Variants in ZBED1 observed in about 807,000 individuals in gnomAD.
The protein encoded by ZBED1 is zinc finger BED-type containing 1, also known as E3 SUMO-protein ligase ZBED1.
In ZBED1, 19 loss-of-function variants were observed where a neutral mutation model predicts 49.7. The ratio of observed to expected loss-of-function variants is 0.38; its 90% CI spans 0.27 to 0.56. The LOEUF (loss-of-function observed/expected upper bound fraction) is 0.56, where lower values mean the gene tolerates loss of function less well. Among genes scored for constraint, ZBED1 ranks in the 20% least tolerant of loss-of-function variants. The pLI, the probability that ZBED1 is intolerant of heterozygous loss-of-function variation, is 0.70. For synonymous variants in ZBED1, 439 were observed against 440.3 expected, an observed-to-expected ratio of 1.00 and a Z score of 0.04; for missense variants, 806 against 972.6, an observed-to-expected ratio of 0.83 and a Z score of 2.28.
chrX:2,493,895 C>G (rs2045220021), intron 1 of ZBED1, among the ~76,000 whole-genome samples: 1 of 152,108 alleles, frequency 6.6e-6, no homozygotes. Context: ...TCGTTTGAAC[C>G]CGGGAAGCAG....
rs2044957658 is a variant in ZBED1 at position 2,487,049 on chromosome X, T to C, written c.*1586A>G. On this transcript the variant is annotated 3_prime_UTR_variant, in exon 2 of 2. Coordinates refer to ENST00000652001, the MANE Select transcript of ZBED1 (RefSeq NM_001171136.2). ...ACGGAGGCAGAGAACCCGCTGCACG[T>C]AGAATCCAAGCAATATGCTAAGCCT... is the stretch of plus-strand genomic sequence containing the variant. The C allele has an allele frequency of 6.6e-6, 1 of 152,232 alleles. No homozygotes were observed. Among genetic ancestry groups the C allele is most frequent in the Non-Finnish European group, 1.5e-5 (1 of 68,046 alleles). 9.4% of individuals were successfully genotyped at this position (152,232 alleles called of 1,614,324 possible).
intron 1 of ZBED1, 23 bp from the exon 2 acceptor site, chrX:2,490,795 C>T: frequency 6.5e-7 from 1 of 1,550,094 alleles, no homozygotes; most frequent in Non-Finnish European, 8.7e-7. Flanking sequence ...AAGACAAACA[C>T]AGCATGAGAA....
chrX:2,500,071 A>G (rs2045377882), intron 1 of ZBED1, among the ~76,000 whole-genome samples: 1 of 152,250 alleles, frequency 6.6e-6, no homozygotes, highest in Non-Finnish European at 1.5e-5. Flanking sequence ...ATCTAGGAAC[A>G]GAAGTTATCT....
Position 2,488,847 on chromosome X carries a change from C to T in ZBED1, c.1873G>A (p.Ala625Thr), listed in dbSNP as rs147060861. 143 of 1,613,546 alleles carry T rather than the reference C, an allele frequency of 8.9e-5. No homozygotes were observed. Among genetic ancestry groups the T allele is most frequent in the East Asian group, 2.5e-4 (11 of 44,886 alleles). Residue 625 changes from alanine to threonine, a missense_variant, in exon 2 of 2, where the codon GCC (alanine) becomes ACC (threonine). Around this residue, in one of 2 missense-constraint regions of ZBED1, gnomAD observed 749 missense variants for 861.3 expected, o/e 0.87. Coordinates refer to ENST00000652001, the MANE Select transcript of ZBED1 (RefSeq NM_001171136.2). The stretch of plus-strand genomic sequence containing the variant: ...CTCTTGGCGCTGACCACGTTGGCGG[C>T]GGATCCGAAGAGACGCTCAGGGGCG... ...RVAPERLFGS[A>T]ANVVSAKRNR...
In ZBED1 at chrX:2,488,749, C is replaced by T. The variant is rs771454151; in HGVS notation, c.1971G>A (p.Ala657=). 72 of 1,613,834 alleles carry T rather than the reference C, an allele frequency of 4.5e-5. 1 individual carries two copies. In the South Asian group the frequency reaches 5.7e-4, roughly 13 times the overall value. ...LYENARSGAE[A]EPEDQDEGEW... ...CCCCCTCGTCCTGGTCCTCGGGTTC[C>T]GCCTCTGCCCCACTCCGGGCGTTCT... The change falls in exon 2 of 2, where the codon GCG becomes GCA. Residue 657 remains alanine, a synonymous_variant. Transcript: ENST00000652001.
intron 1 of ZBED1, among the ~76,000 whole-genome samples, chrX:2,492,713 C>T (rs2045184810): frequency 6.6e-6 from 1 of 151,940 alleles, no homozygotes; most frequent in Non-Finnish European, 1.5e-5. Context: ...GCCTGAAGCC[C>T]AGGGACGCCA....
Position 2,488,561 on chromosome X carries a change from A to C in ZBED1, c.*74T>G. On this transcript the variant is annotated 3_prime_UTR_variant, in exon 2 of 2. Transcript: ENST00000652001. ...GTCTCTGAGGTTCAAAACCAAGCTG[A>C]CCGGGTAAGTATTTACAGCAAAGCA... 1 of 1,500,114 alleles carries C rather than the reference A, an allele frequency of 6.7e-7. No individual in the cohort carries two copies. The highest frequency in any genetic ancestry group is 1.4e-5 in the South Asian group (1 of 73,868). 92.9% of individuals were successfully genotyped at this position (1,500,114 alleles called of 1,614,324 possible).
chrX:2,498,640 A>AAG (rs1350988711), intron 1 of ZBED1, among the ~76,000 whole-genome samples: 6 of 151,798 alleles, frequency 4.0e-5, no homozygotes, highest in Non-Finnish European at 8.8e-5. Flanking sequence ...AAAAAAAAAA[A>AAG]AAAGATTCCA....
rs1358739495 is a variant in ZBED1, at chrX:2,490,276, G to A, written c.444C>T (p.Thr148=). 2 of 1,613,810 alleles carry A rather than the reference G, an allele frequency of 1.2e-6. No individual in the cohort carries two copies. Among genetic ancestry groups the A allele is most frequent in the Non-Finnish European group, 1.7e-6 (2 of 1,179,874 alleles). Residue 148 remains threonine (T), a synonymous_variant, in exon 2 of 2, where the codon ACC becomes ACT. Coordinates refer to ENST00000652001, the MANE Select transcript of ZBED1 (RefSeq NM_001171136.2). ...CGGCCGTCTTCAGCAGCACCTTGAAGGTGGGCTCGTCCACGATGGAGGCTG... is the reference window on the plus strand; with the variant it reads ...CGGCCGTCTTCAGCAGCACCTTGAAAGTGGGCTCGTCCACGATGGAGGCTG... ...LYPASIVDEP[T]FKVLLKTADP... is the part of the protein sequence containing the mutation.
chrX:2,490,857 G>A lies in ZBED1; in HGVS notation c.-53-85C>T, dbSNP rs2045118747. 4 of 1,269,846 alleles carry A rather than the reference G, an allele frequency of 3.1e-6. No homozygotes were observed. The East Asian group carries it at 9.3e-5, about 30-fold the overall frequency. The allele number at this position is 1,269,846 out of a possible 1,614,324, so 78.7% of individuals were successfully genotyped here. A position where few individuals can be genotyped will look rare whatever the true frequency, so the allele number is the denominator to read the frequency against. ...GCCGGGGAGACAGACAGGGTGCCGGGGCAGCTCCGCTTTCAACCAAAGGGC... is the reference window on the plus strand; with the variant it reads ...GCCGGGGAGACAGACAGGGTGCCGGAGCAGCTCCGCTTTCAACCAAAGGGC... On this transcript the variant is annotated intron_variant, in intron 1 of 1. Transcript: ENST00000652001.
At chrX:2,496,538 C>G (rs1049446608) in intron 1 of ZBED1, among the ~76,000 whole-genome samples, 1 of 152,120 alleles carries the variant, frequency 6.6e-6, no homozygotes, top group Non-Finnish European at 1.5e-5. Flanking sequence ...GCAGTGTATA[C>G]TGCTTGGGTG....
rs2045036310 is a variant in ZBED1, at chrX:2,488,915, G to A, written c.1805C>T (p.Pro602Leu). The A allele has an allele frequency of 6.2e-7, 1 of 1,603,860 alleles. No homozygotes were observed. The highest frequency in any genetic ancestry group is 8.5e-7 in the Non-Finnish European group (1 of 1,173,890). ...GCACCAGTACTTCTGCAGCACCTTGGGCAGCAGGGGGAAGAGGGCCAGGCG... is the reference window on the plus strand; with the variant it reads ...GCACCAGTACTTCTGCAGCACCTTGAGCAGCAGGGGGAAGAGGGCCAGGCG... Reference protein sequence around the residue: ...SDRLALFPLLPKVLQKYWCVT... With the variant: ...SDRLALFPLLLKVLQKYWCVT... The change falls in exon 2 of 2, where the codon CCC (proline) becomes CTC (leucine). Residue 602 changes from proline to leucine, a missense_variant. Pro to Leu is a moderately conservative substitution (Grantham distance 98). This residue lies in a region of ZBED1 where 749 missense variants were observed against 861.3 expected (regional missense o/e 0.87). Coordinates refer to ENST00000652001, the MANE Select transcript of ZBED1 (RefSeq NM_001171136.2).
intron 1 of ZBED1, among the ~76,000 whole-genome samples, chrX:2,499,397 GTATCAT>G (rs2045357473): frequency 6.7e-6 from 1 of 149,864 alleles, no homozygotes; most frequent in South Asian, 2.1e-4. Flanking sequence ...TTGAAACAAA[GTATCAT>G]TTAACCTAAC....
intron 1 of ZBED1, among the ~76,000 whole-genome samples, chrX:2,493,252 A>G (rs1420060889): frequency 6.6e-6 from 1 of 152,200 alleles, no homozygotes; most frequent in African/African-American, 2.4e-5. Context: ...CGGAGGGGGA[A>G]AAGAATCTCA....
chrX:2,490,604 A>G lies in ZBED1; in HGVS notation c.116T>C (p.Ile39Thr). The change falls in exon 2 of 2, where the codon ATC (isoleucine) becomes ACC (threonine). Residue 39 changes from isoleucine to threonine, a missense_variant. Physicochemically the swap from Ile to Thr is moderately conservative, Grantham distance 89 (BLOSUM62 -1). This residue lies in a region of ZBED1 where 57 missense variants were observed against 111.3 expected (regional missense o/e 0.51). Transcript: ENST00000652001. ...GCAGTAGATTTTCTTCCACTGCAGG[A>G]TGCATCCCTCGGCGTTGGTGTCGAA... Reference protein sequence around the residue: ...FGFDTNAEGCILQWKKIYCRI... With the variant: ...FGFDTNAEGCTLQWKKIYCRI... 1 of 1,613,918 alleles carries G rather than the reference A, an allele frequency of 6.2e-7. No homozygotes were observed. The highest frequency in any genetic ancestry group is 8.5e-7 in the Non-Finnish European group (1 of 1,179,862).
At chrX:2,491,320 T>G (rs1302210145) in intron 1 of ZBED1, among the ~76,000 whole-genome samples, 1 of 152,218 alleles carries the variant, frequency 6.6e-6, no homozygotes, top group Non-Finnish European at 1.5e-5. Context: ...TCCACCCGCC[T>G]TGGCCTCCCA....
chrX:2,496,304 T>C (rs1031543739), intron 1 of ZBED1, among the ~76,000 whole-genome samples: 7 of 152,236 alleles, frequency 4.6e-5, no homozygotes, highest in African/African-American at 1.4e-4. Flanking sequence ...GTTCACACCA[T>C]TCTCCTGCCT....
In ZBED1 at chrX:2,487,014, G is replaced by C. The variant is rs1328591134; in HGVS notation, c.*1621C>G. On this transcript the variant is annotated 3_prime_UTR_variant, in exon 2 of 2. Transcript: ENST00000652001. ...CCTAGACACCGTTCTCCCCAGCCCA[G>C]CTTGTCTTCACGGAGGCAGAGAACC... The C allele has an allele frequency of 6.6e-6, 1 of 152,196 alleles. No individual in the cohort carries two copies. Among genetic ancestry groups the C allele is most frequent in the African/African-American group, 2.4e-5 (1 of 41,424 alleles). 9.4% of individuals were successfully genotyped at this position (152,196 alleles called of 1,614,324 possible).
intron 1 of ZBED1, among the ~76,000 whole-genome samples, chrX:2,492,453 G>T (rs1036602410): frequency 1.3e-5 from 2 of 149,974 alleles, no homozygotes; most frequent in Non-Finnish European, 3.0e-5. Flanking sequence ...ATAAAATCAT[G>T]GTGGATTGAA....
Sources: allele counts gnomAD v4.1 joint callset (sites outside exome capture counted in the v4.1 genomes callset), GRCh38; gene constraint gnomAD v4.1.1; regional missense constraint gnomAD v4.1.1; transcripts MANE v1.5; gene names NCBI Gene and HGNC (gene_info 2026-07-23, HGNC 2026-07-21).